Variants in MYO16 observed in about 807,000 individuals in gnomAD.
MYO16 encodes the protein unconventional myosin-XVI.
In MYO16, 94 loss-of-function variants were observed where a neutral mutation model predicts 205.3. The ratio of observed to expected loss-of-function variants is 0.46; its 90% CI spans 0.39 to 0.54. The LOEUF is 0.54. Ranked by LOEUF, MYO16 falls within the 20% of genes least tolerant of loss-of-function variation. The pLI is 0.00. For missense variants in MYO16, 2,315 were observed against 2,387.5 expected (o/e 0.97, Z 0.63); for synonymous variants, 988 against 954.0 (o/e 1.04, Z -0.66).
At chr13:109,019,959 G>A in intron 23 of MYO16, 48 bp downstream of exon 23, 1 of 1,568,126 alleles carries the variant, frequency 6.4e-7, no homozygotes, top group Non-Finnish European at 8.7e-7. Context: ...AATGATCAAA[G>A]GTCCTTGGGA....
intron 21 of MYO16, among the ~76,000 whole-genome samples, chr13:109,007,979 G>C (rs2139478556): frequency 6.6e-6 from 1 of 152,070 alleles, no homozygotes; most frequent in South Asian, 2.1e-4. Flanking sequence ...TTCCTGATGA[G>C]AGCTCAAATA....
At chr13:108,984,890 G>A (rs1884575772) in intron 20 of MYO16, among the ~76,000 whole-genome samples, 1 of 152,160 alleles carries the variant, frequency 6.6e-6, no homozygotes, top group East Asian at 1.9e-4. Flanking sequence ...TTGATTCCGA[G>A]TCCTGAATCC....
At chr13:108,966,884 C>T (rs1213199624) in intron 20 of MYO16, among the ~76,000 whole-genome samples, 1 of 152,014 alleles carries the variant, frequency 6.6e-6, no homozygotes, top group East Asian at 1.9e-4. Flanking sequence ...TTTGGATAAC[C>T]TTAGAATAGG....
chr13:109,178,592 G>A (rs547905277), intron 33 of MYO16, among the ~76,000 whole-genome samples: 27 of 152,238 alleles, frequency 1.8e-4, no homozygotes, highest in African/African-American at 6.5e-4. Context: ...ATTTTGTTGG[G>A]TTCTTATTTC....
intron 11 of MYO16, among the ~76,000 whole-genome samples, chr13:108,864,882 T>C (rs111625112): frequency 1.3e-5 from 2 of 152,150 alleles, no homozygotes; most frequent in Non-Finnish European, 2.9e-5. Flanking sequence ...AGTTCTACAG[T>C]GCAGCACATT....
At chr13:109,101,589 A>G (rs552325166) in intron 28 of MYO16, 1 of 152,318 alleles carries the variant, frequency 6.6e-6, no homozygotes, top group South Asian at 2.1e-4. Context: ...ACCTTCAACA[A>G]CATCAGAGTC....
intron 28 of MYO16, among the ~76,000 whole-genome samples, chr13:109,113,084 A>G (rs1875482933): frequency 6.6e-6 from 1 of 152,212 alleles, no homozygotes; most frequent in African/African-American, 2.4e-5. Context: ...TACACACTAA[A>G]CAGGAGAAAA....
intron 22 of MYO16, among the ~76,000 whole-genome samples, chr13:109,011,764 C>T (rs1013562654): frequency 6.6e-6 from 1 of 151,986 alleles, no homozygotes; most frequent in Non-Finnish European, 1.5e-5. Context: ...CCGCCTGCCT[C>T]ACCTCCCAAA....
At chr13:108,668,082 G>T (rs891848979) in intron 2 of MYO16, among the ~76,000 whole-genome samples, 1 of 152,146 alleles carries the variant, frequency 6.6e-6, no homozygotes, top group African/African-American at 2.4e-5. Flanking sequence ...AAAATTTCTT[G>T]TACCAAATAT....
chr13:108,661,189 G>T (rs544437696), intron 1 of MYO16, among the ~76,000 whole-genome samples: 1 of 152,164 alleles, frequency 6.6e-6, no homozygotes, highest in Admixed American at 6.5e-5. Context: ...TAGGTTACCT[G>T]GTGCTTCTGT....
chr13:108,800,902 TA>T (rs1253825366), intron 6 of MYO16, among the ~76,000 whole-genome samples: 1 of 152,088 alleles, frequency 6.6e-6, no homozygotes, highest in Non-Finnish European at 1.5e-5. Flanking sequence ...TAAAAACAAT[TA>T]ACAGATATTT....
intron 28 of MYO16, among the ~76,000 whole-genome samples, chr13:109,108,222 A>T (rs1253260880): frequency 3.9e-5 from 6 of 152,174 alleles, no homozygotes; most frequent in Non-Finnish European, 8.8e-5. Flanking sequence ...CATCTCTTAC[A>T]GGGTCTGGCA....
chr13:108,892,947 T>A (rs184812629), intron 14 of MYO16, among the ~76,000 whole-genome samples: 58 of 152,324 alleles, frequency 3.8e-4, no homozygotes, highest in Middle Eastern at 3.4e-3. Flanking sequence ...CAGATTATAA[T>A]ATCAGTGCAT....
chr13:108,898,521 A>G (rs1880551861), intron 15 of MYO16, among the ~76,000 whole-genome samples: 1 of 152,160 alleles, frequency 6.6e-6, no homozygotes, highest in Non-Finnish European at 1.5e-5. Context: ...CCCAGACCAA[A>G]CGTAGCTGAA....
intron 4 of MYO16, among the ~76,000 whole-genome samples, chr13:108,749,573 C>T (rs999169862): frequency 1.6e-4 from 24 of 152,122 alleles, no homozygotes; most frequent in Admixed American, 3.9e-4. Flanking sequence ...CCAGTACCAC[C>T]GTATACTCAT....
intron 23 of MYO16, among the ~76,000 whole-genome samples, chr13:109,035,441 T>C (rs912559580): frequency 1.3e-5 from 2 of 152,234 alleles, no homozygotes; most frequent in Middle Eastern, 3.4e-3. Context: ...CCCAACACTT[T>C]GGGAGGCTGA....
chr13:108,953,163 C>T (rs1203945252), intron 16 of MYO16, among the ~76,000 whole-genome samples: 3 of 152,184 alleles, frequency 2.0e-5, no homozygotes, highest in Non-Finnish European at 2.9e-5. Flanking sequence ...AGGTGATTCA[C>T]GTCAGTATAC....
chr13:108,595,533 G>C (rs117480077), upstream of MYO16, among the ~76,000 whole-genome samples: 2,337 of 152,286 alleles, frequency 0.015, 50 homozygotes, highest in South Asian at 0.086. Flanking sequence ...TTAGTGGAAG[G>C]TTAATCAGGT....
chr13:109,065,603 GC>G (rs767522681), intron 27 of MYO16: 2 of 468,408 alleles, frequency 4.3e-6, no homozygotes, highest in Non-Finnish European at 8.2e-6. Context: ...TATGGTCTCA[GC>G]CACCTTTCCC....
Sources: gnomAD v4.1 joint callset for allele counts (sites outside exome capture counted in the v4.1 genomes callset) on GRCh38, gnomAD v4.1.1 for gene constraint, MANE v1.5 for transcripts, NCBI Gene and HGNC (gene_info 2026-07-23, HGNC 2026-07-21) for gene names.